Variants in FBXW11 observed in about 807,000 individuals in gnomAD.
FBXW11 encodes the protein F-box/WD repeat-containing protein 11.
A neutral mutation model predicts 77.6 loss-of-function variants in FBXW11; 19 were observed. The observed-to-expected ratio is 0.24, with a 90% CI of 0.17 to 0.36. The LOEUF (loss-of-function observed/expected upper bound fraction) is 0.36, where lower values mean the gene tolerates loss of function less well. FBXW11 is among the 10% of genes least tolerant of loss of function. FBXW11 has a pLI of 1.00. For synonymous variants in FBXW11, 235 were observed against 249.4 expected, an observed-to-expected ratio of 0.94 and a Z score of 0.54; for missense variants, 334 against 704.2, an observed-to-expected ratio of 0.47 and a Z score of 5.95.
At chr5:171,953,718 G>A (rs1445591471) in intron 2 of FBXW11, among the ~76,000 whole-genome samples, 5 of 152,072 alleles carry the variant, frequency 3.3e-5, no homozygotes, top group African/African-American at 7.2e-5. Flanking sequence ...ACAGGGGTTC[G>A]GGAAAATAAA....
chr5:171,882,233 G>C (rs1022473350), intron 7 of FBXW11, among the ~76,000 whole-genome samples: 1 of 152,158 alleles, frequency 6.6e-6, no homozygotes, highest in African/African-American at 2.4e-5. Context: ...GCATCCCACA[G>C]ATTTTGATAA....
chr5:171,935,753 G>C (rs543604620), intron 2 of FBXW11, among the ~76,000 whole-genome samples: 4 of 152,154 alleles, frequency 2.6e-5, no homozygotes, highest in African/African-American at 9.6e-5. Context: ...GTAATCCTGA[G>C]ATGATGCAAA....
chr5:171,866,063 G>A (rs1299656603), intron 13 of FBXW11, among the ~76,000 whole-genome samples: 1 of 152,088 alleles, frequency 6.6e-6, no homozygotes, highest in Non-Finnish European at 1.5e-5. Flanking sequence ...TCAGGAGTTC[G>A]AGACCAGCCT....
In FBXW11 at chr5:171,987,793, C is replaced by T. The variant is rs547712519; in HGVS notation, c.45+18665G>A. On this transcript the variant is annotated intron_variant, in intron 1 of 13. Coordinates refer to ENST00000517395, the MANE Select transcript of FBXW11 (RefSeq NM_001378974.1). ...AAATATCCCTTATGAAATTTCCTTC[C>T]TTTTCTAACTCCTACAACACTGTTT... Among the ~76,000 whole-genome samples, 303 of 152,164 alleles carry T rather than the reference C, an allele frequency of 2.0e-3. 1 individual carries two copies. The highest frequency in any genetic ancestry group is 3.4e-3 in the Middle Eastern group (1 of 294).
rs397999920 is a variant in FBXW11 at position 171,893,421 on chromosome 5, CA to C, written c.715-1818del. On this transcript the variant is annotated intron_variant, in intron 6 of 13. Coordinates refer to ENST00000517395, the MANE Select transcript of FBXW11 (RefSeq NM_001378974.1). ...GACATACAAAAGCACACTTCAAAACCAAAAAAAAAAAAAAAAAAAAAAAAAA... is the reference window on the plus strand; with the variant it reads ...GACATACAAAAGCACACTTCAAAACCAAAAAAAAAAAAAAAAAAAAAAAAA... Among the ~76,000 whole-genome samples, 39 of 39,838 alleles carry C rather than the reference CA, an allele frequency of 9.8e-4. No homozygotes were observed. The South Asian group carries it at 0.013, about 13-fold the overall frequency. The allele number at this position is 39,838 out of a possible 152,430, so 26.1% of individuals were successfully genotyped here. A position where few individuals can be genotyped will look rare whatever the true frequency, so the allele number is the denominator to read the frequency against.
At chr5:171,961,617 T>C (rs1480369434) in intron 1 of FBXW11, among the ~76,000 whole-genome samples, 4 of 151,894 alleles carry the variant, frequency 2.6e-5, no homozygotes, top group African/African-American at 9.7e-5. Flanking sequence ...CCTAAGAGCA[T>C]TAAATTACAG....
At chr5:171,948,228 C>A (rs1459285154) in intron 2 of FBXW11, among the ~76,000 whole-genome samples, 10 of 134,964 alleles carry the variant, frequency 7.4e-5, no homozygotes, top group Admixed American at 2.2e-4. Context: ...GAGTGAGACT[C>A]CAACTCAAAA....
rs186465637 is a variant in FBXW11 at position 171,895,612 on chromosome 5, A to C, written c.714+3392T>G. ...AGTTTGTCACTACTCAAATGGCAAA[A>C]GAGAAAAATCCAAGTTCAGAATACC... On this transcript the variant is annotated intron_variant, in intron 6 of 13. Coordinates refer to ENST00000517395, the MANE Select transcript of FBXW11 (RefSeq NM_001378974.1). Among the ~76,000 whole-genome samples the C allele has an allele frequency of 2.1e-3, 313 of 152,352 alleles. 2 individuals are homozygous for C. Among genetic ancestry groups the C allele is most frequent in the Non-Finnish European group, 3.2e-3 (220 of 68,040 alleles).
In FBXW11 at chr5:171,904,383, G is replaced by A. The variant is rs555934116; in HGVS notation, c.437-4283C>T. On this transcript the variant is annotated intron_variant, in intron 4 of 13. Transcript: ENST00000517395. The surrounding 1 kb of genome is among the most constrained non-coding windows in gnomAD (Gnocchi z 4.0). ...CTGCAACATCCCCATCATCTGTGAC[G>A]GGAAAGCAGCACCCAAACCTTCAAC... 2.0e-5 allele frequency among the ~76,000 whole-genome samples: 3 copies of A among 151,908 alleles called. No homozygotes were observed. Among genetic ancestry groups the A allele is most frequent in the East Asian group, 1.9e-4 (1 of 5,186 alleles).
chr5:171,994,591 C>T (rs1233646824), intron 1 of FBXW11, among the ~76,000 whole-genome samples: 1 of 152,124 alleles, frequency 6.6e-6, no homozygotes, highest in South Asian at 2.1e-4. Context: ...ACAAGGGATA[C>T]TCAACCTGTA....
At chr5:171,908,613 A>ATGCTAGATTTCAGCATAAAAAGAACGG (rs1760681254) in intron 4 of FBXW11, 1 of 152,238 alleles carries the variant, frequency 6.6e-6, no homozygotes, top group African/African-American at 2.4e-5. Context: ...TGAGCAAGTC[A>ATGCTAGATTTCAGCATAAAAAGAACGG]TGCTAGATTT....
chr5:171,878,135 G>A lies in FBXW11; in HGVS notation c.853-6C>T, dbSNP rs755385247. Reference sequence around the variant, plus strand: ...AGGCTGGTTTTATCCCATATCTATTGAGACAAGATTAGCCACAAACGATGA... The same window carrying A: ...AGGCTGGTTTTATCCCATATCTATTAAGACAAGATTAGCCACAAACGATGA... On this transcript the variant is annotated splice_region_variant and splice_polypyrimidine_tract_variant and intron_variant, in intron 7 of 13. Transcript: ENST00000517395. The A allele has an allele frequency of 1.9e-6, 3 of 1,591,796 alleles. No individual in the cohort carries two copies. Among genetic ancestry groups the A allele is most frequent in the Non-Finnish European group, 1.7e-6 (2 of 1,161,192 alleles).
At chr5:171,980,898 G>A (rs561419119) in intron 1 of FBXW11, among the ~76,000 whole-genome samples, 5 of 152,252 alleles carry the variant, frequency 3.3e-5, no homozygotes, top group Admixed American at 6.5e-5. Context: ...ATTGAGAGGA[G>A]CATCTTTTGT....
At chr5:171,939,696 CAAAAAAAAAA>C (rs58051402) in intron 2 of FBXW11, among the ~76,000 whole-genome samples, 4 of 80,048 alleles carry the variant, frequency 5.0e-5, no homozygotes, top group Non-Finnish European at 5.1e-5. Context: ...GACCCTGTCT[CAAAAAAAAAA>C]AAAAAAAAAA....
At chr5:171,926,377 G>C (rs1761891366) in intron 2 of FBXW11, among the ~76,000 whole-genome samples, 1 of 152,190 alleles carries the variant, frequency 6.6e-6, no homozygotes, top group Admixed American at 6.5e-5. Flanking sequence ...GCAGGGCTCT[G>C]ACACAGTTTG....
At chr5:171,942,076 A>T (rs1018769194) in intron 2 of FBXW11, among the ~76,000 whole-genome samples, 1 of 151,548 alleles carries the variant, frequency 6.6e-6, no homozygotes, top group Non-Finnish European at 1.5e-5. Flanking sequence ...TATTAGTATA[A>T]CACACAGAAC....
intron 1 of FBXW11, among the ~76,000 whole-genome samples, chr5:171,993,472 G>C (rs1765862072): frequency 1.3e-5 from 2 of 152,058 alleles, no homozygotes; most frequent in Non-Finnish European, 2.9e-5. Context: ...AATCAGCTGG[G>C]TGTGGTGATG....
intron 7 of FBXW11, among the ~76,000 whole-genome samples, chr5:171,884,248 C>T (rs1264706492): frequency 6.6e-6 from 1 of 152,194 alleles, no homozygotes; most frequent in Non-Finnish European, 1.5e-5. Flanking sequence ...GTTTCATTCT[C>T]CTGTATGTGG....
intron 1 of FBXW11, 37 bp from the exon 2 acceptor site, chr5:171,957,735 G>T: frequency 6.4e-7 from 1 of 1,558,994 alleles, no homozygotes; most frequent in Non-Finnish European, 8.8e-7. Flanking sequence ...AGAAGAAGCA[G>T]TTAGAGGCCG....
Sources: gnomAD v4.1 joint callset for allele counts (sites outside exome capture counted in the v4.1 genomes callset) on GRCh38, gnomAD v4.1.1 for gene constraint, Gnocchi (gnomAD v3.1) non-coding constraint, MANE v1.5 for transcripts, NCBI Gene and HGNC (gene_info 2026-07-23, HGNC 2026-07-21) for gene names.